CLCN7: variants seen among roughly 807,000 people sequenced by gnomAD.
The protein encoded by CLCN7 is H(+)/Cl(-) exchange transporter 7.
In CLCN7, 60 loss-of-function variants were observed where a neutral mutation model predicts 102.1. The ratio of observed to expected loss-of-function variants is 0.59; its 90% confidence interval spans 0.48 to 0.73. The LOEUF is 0.73. CLCN7 is among the 30% of genes least tolerant of loss of function. CLCN7 has a pLI of 0.00. For synonymous variants in CLCN7, 560 were observed against 490.5 expected (o/e 1.14, Z -1.87); for missense variants, 962 against 1,125.7 (o/e 0.85, Z 2.08).
intron 21 of CLCN7, 56 bp from the exon 22 acceptor site, chr16:1,447,770 G>C: frequency 6.5e-7 from 1 of 1,527,814 alleles, no homozygotes; most frequent in Non-Finnish European, 8.9e-7. Flanking sequence ...GGCTGCGCTG[G>C]AATGCTGTGT....
chr16:1,466,341 C>T lies in CLCN7; in HGVS notation c.142-1003G>A, dbSNP rs143523603. ...TCCACCTTCCTCAGGCTCGGCCTCC[C>T]GCACCAGGTTTCAGCAGGGCCTGGA... On this transcript the variant is annotated intron_variant, in intron 1 of 24. Coordinates refer to ENST00000382745, the MANE Select transcript of CLCN7 (RefSeq NM_001287.6). Among the ~76,000 whole-genome samples the T allele has an allele frequency of 3.2e-4, 48 of 152,328 alleles. 1 individual carries two copies. The East Asian group carries it at 8.3e-3, about 26-fold the overall frequency.
chr16:1,474,487 C>T (rs1428522435), intron 1 of CLCN7: 11 of 347,368 alleles, frequency 3.2e-5, no homozygotes, highest in African/African-American at 1.5e-4. Context: ...CAGAAAGCCA[C>T]TTGCACCCCT....
intron 7 of CLCN7, among the ~76,000 whole-genome samples, chr16:1,458,204 C>T (rs2038870321): frequency 6.6e-6 from 1 of 152,234 alleles, no homozygotes; most frequent in African/African-American, 2.4e-5. Flanking sequence ...TGCTCCCCGC[C>T]CCCAGGGGCC....
rs758151447 is a variant in CLCN7, at chr16:1,457,765, C to A, written c.676-9G>T. The A allele has an allele frequency of 6.2e-7, 1 of 1,613,366 alleles. No homozygotes were observed. Among genetic ancestry groups the A allele is most frequent in the South Asian group, 1.1e-5 (1 of 91,082 alleles). On this transcript the variant is annotated splice_polypyrimidine_tract_variant and intron_variant, in intron 7 of 24. Coordinates refer to ENST00000382745, the MANE Select transcript of CLCN7 (RefSeq NM_001287.6). The surrounding 1 kb of genome is among the most constrained non-coding windows in gnomAD (Gnocchi z 5.4). The stretch of plus-strand genomic sequence containing the variant: ...ACTTTGATCACCAACGTCTGAAACA[C>A]AGGGAGACGCATGGCCTCTGATGAA...
rs368107266 is a variant in CLCN7, at chr16:1,449,453, G to A, written c.1618-126C>T. On this transcript the variant is annotated intron_variant, in intron 17 of 24. Transcript: ENST00000382745. ...AGCCAGGAACAAACCTCGTGGCCGCGTACATACACACAGAACAACCTAGCA... is the reference window on the plus strand; with the variant it reads ...AGCCAGGAACAAACCTCGTGGCCGCATACATACACACAGAACAACCTAGCA... 53 of 830,918 alleles carry A rather than the reference G, an allele frequency of 6.4e-5. No individual in the cohort carries two copies. In the East Asian group the frequency reaches 1.0e-3, roughly 16 times the overall value. The allele number at this position is 830,918 out of a possible 1,614,324, so 51.5% of individuals were successfully genotyped here. A position where few individuals can be genotyped will look rare whatever the true frequency, so the allele number is the denominator to read the frequency against.
In CLCN7 at chr16:1,455,117, G is replaced by A; in HGVS notation, c.1098+17C>T. 1 of 1,433,060 alleles carries A rather than the reference G, an allele frequency of 7.0e-7. No homozygotes were observed. Among genetic ancestry groups the A allele is most frequent in the Non-Finnish European group, 9.9e-7 (1 of 1,014,546 alleles). The allele number at this position is 1,433,060 out of a possible 1,614,324, so 88.8% of individuals were successfully genotyped here. The stretch of plus-strand genomic sequence containing the variant: ...CCAGGATACGAGGTGGGCGAGGTGG[G>A]CGATGGGGCAGGTTACCTCCGAGTC... On this transcript the variant is annotated intron_variant, in intron 12 of 24. Transcript: ENST00000382745.
chr16:1,460,823 G>C lies in CLCN7; in HGVS notation c.477C>G (p.Ile159Met). ...ENLAGLKYRV[I>M]KGNIDKFTEK... ...CCGCACTGGGAAGGATACTGCCCTT[G>C]ATGACCCTGTACTTGAGGCCAGCCA... is the stretch of plus-strand genomic sequence containing the variant. The change falls in exon 5 of 25, where the codon ATC (isoleucine) becomes ATG (methionine). Residue 159 changes from isoleucine to methionine, a missense_variant. Ile to Met is a conservative substitution (Grantham distance 10). Around this residue, in one of 2 missense-constraint regions of CLCN7, gnomAD observed 799 missense variants for 988.0 expected, o/e 0.81. Transcript: ENST00000382745. 6.2e-7 allele frequency: 1 copy of C among 1,614,036 alleles called. No homozygotes were observed. The highest frequency in any genetic ancestry group is 8.5e-7 in the Non-Finnish European group (1 of 1,179,964).
At chr16:1,460,779 C>T (rs750044554) in intron 5 of CLCN7, 37 bp downstream of exon 5, 1 of 1,613,642 alleles carries the variant, frequency 6.2e-7, no homozygotes, top group Non-Finnish European at 8.5e-7. Context: ...GGCCACGCCC[C>T]CCTCCCAAGC....
intron 1 of CLCN7, chr16:1,466,806 A>G (rs1302478907): frequency 6.6e-6 from 1 of 151,790 alleles, no homozygotes; most frequent in Non-Finnish European, 1.5e-5. Context: ...TACAAAAAGT[A>G]GGCGGGCTAC....
intron 17 of CLCN7, 80 bp from the exon 18 acceptor site, chr16:1,449,407 G>C: frequency 1.5e-6 from 2 of 1,378,016 alleles, no homozygotes; most frequent in South Asian, 2.5e-5. Flanking sequence ...AGGAGGCCCT[G>C]CCCAGGCCCA....
intron 2 of CLCN7, among the ~76,000 whole-genome samples, chr16:1,462,249 C>G (rs1274273981): frequency 6.6e-6 from 1 of 150,764 alleles, no homozygotes; most frequent in African/African-American, 2.4e-5. Flanking sequence ...ATCCATGAGG[C>G]CGGGTGCGGT....
In CLCN7 at chr16:1,449,268, G is replaced by C; in HGVS notation, c.1669+8C>G. On this transcript the variant is annotated splice_region_variant and intron_variant, in intron 18 of 24. Transcript: ENST00000382745. ...CTCCCCACCCATCGGGCAAGAGCTG[G>C]GACATACCCAGCTGGGCAGCAGCTC... The C allele has an allele frequency of 6.3e-7, 1 of 1,582,582 alleles. No individual in the cohort carries two copies. The highest frequency in any genetic ancestry group is 8.6e-7 in the Non-Finnish European group (1 of 1,164,874).
At chr16:1,454,344 T>TA (rs1384729267) in intron 13 of CLCN7, 67 bp downstream of exon 13, 2 of 1,530,572 alleles carry the variant, frequency 1.3e-6, no homozygotes, top group Non-Finnish European at 1.8e-6. Flanking sequence ...AGTCCTCGTC[T>TA]CTATGGCCAC....
In CLCN7 at chr16:1,448,494, G is replaced by T. The variant is rs753459440; in HGVS notation, c.1884-10C>A. 3.9e-5 allele frequency: 62 copies of T among 1,607,846 alleles called. No individual in the cohort carries two copies. The highest frequency in any genetic ancestry group is 2.3e-4 in the Admixed American group (14 of 60,000). On this transcript the variant is annotated splice_polypyrimidine_tract_variant and intron_variant, in intron 20 of 24. Coordinates refer to ENST00000382745, the MANE Select transcript of CLCN7 (RefSeq NM_001287.6). Reference sequence around the variant, plus strand: ...TGTGCTCATCACCTCCCTGCCGGAGGAGCCCGGCCACACATGCCCGTCACA... The same window carrying T: ...TGTGCTCATCACCTCCCTGCCGGAGTAGCCCGGCCACACATGCCCGTCACA...
intron 1 of CLCN7, among the ~76,000 whole-genome samples, chr16:1,473,299 G>A (rs71384102): frequency 0.066 from 9,862 of 149,036 alleles, 395 homozygotes; most frequent in Non-Finnish European, 0.093. Context: ...TGTCTGGTGC[G>A]TTTCTAAGGA....
chr16:1,465,236 T>C (rs1418192587), intron 2 of CLCN7, 31 bp downstream of exon 2: 29 of 1,602,278 alleles, frequency 1.8e-5, no homozygotes, highest in Non-Finnish European at 2.3e-5. Flanking sequence ...CAGCTAGCTC[T>C]GCGGGAGGAC....
At position 1,449,339 on chromosome 16, in the gene CLCN7, G is replaced by A. The variant is rs1387982428; in HGVS notation, c.1618-12C>T. On this transcript the variant is annotated splice_polypyrimidine_tract_variant and intron_variant, in intron 17 of 24. Coordinates refer to ENST00000382745, the MANE Select transcript of CLCN7 (RefSeq NM_001287.6). ...GGGTCCGCCCAGATCTGTGGGAGGT[G>A]ACACGGAGGAGGTGTCAGTGTGGTG... 2 of 1,579,314 alleles carry A rather than the reference G, an allele frequency of 1.3e-6. No homozygotes were observed. The highest frequency in any genetic ancestry group is 1.2e-5 in the South Asian group (1 of 86,416).
intron 15 of CLCN7, chr16:1,452,124 G>A: frequency 3.2e-6 from 1 of 312,970 alleles, no homozygotes. Flanking sequence ...CACAGGGGGT[G>A]TTATCCACGG....
rs1047055924 is a variant in CLCN7 at position 1,446,168 on chromosome 16, G to A, written c.*463C>T. The A allele has an allele frequency of 1.2e-5, 7 of 605,530 alleles. No homozygotes were observed. Among genetic ancestry groups the A allele is most frequent in the South Asian group, 9.9e-5 (5 of 50,736 alleles). 37.5% of individuals were successfully genotyped at this position (605,530 alleles called of 1,614,324 possible). A position where few individuals can be genotyped will look rare whatever the true frequency, so the allele number is the denominator to read the frequency against. ...CCGTCTGCTCATGGCTGAAAATGAG[G>A]CCAAGCAGCTCCCAAGTCTCGAAGA... On this transcript the variant is annotated 3_prime_UTR_variant, in exon 25 of 25. Coordinates refer to ENST00000382745, the MANE Select transcript of CLCN7 (RefSeq NM_001287.6).
Sources: gnomAD v4.1 joint callset for allele counts (sites outside exome capture counted in the v4.1 genomes callset) on GRCh38, gnomAD v4.1.1 for gene constraint, gnomAD v4.1.1 regional missense constraint, Gnocchi (gnomAD v3.1) non-coding constraint, MANE v1.5 for transcripts, NCBI Gene and HGNC (gene_info 2026-07-23, HGNC 2026-07-21) for gene names.